The following TFPI variants were observed in gnomAD, a reference collection of about 807,000 sequenced individuals.
TFPI encodes tissue factor pathway inhibitor.
A neutral mutation model predicts 34.6 loss-of-function variants in TFPI; 15 were observed. The observed-to-expected ratio is 0.43, with a 90% confidence interval of 0.29 to 0.67. The LOEUF is 0.67. TFPI is among the 30% of genes least tolerant of loss of function. The pLI is 0.15. For missense variants in TFPI, 301 were observed against 364.0 expected, an observed-to-expected ratio of 0.83 and a Z score of 1.41; for synonymous variants, 105 against 120.1, an observed-to-expected ratio of 0.87 and a Z score of 0.82.
chr2:187,515,981 A>C lies in TFPI; in HGVS notation c.-2-12211T>G, dbSNP rs1574475261. The C allele has an allele frequency of 3.9e-5, 6 of 152,196 alleles. No individual in the cohort carries two copies. In the South Asian group the frequency reaches 1.2e-3, roughly 32 times the overall value. 9.4% of individuals were successfully genotyped at this position (152,196 alleles called of 1,614,324 possible). On this transcript the variant is annotated intron_variant, in intron 1 of 7. Coordinates refer to ENST00000233156, the MANE Select transcript of TFPI (RefSeq NM_006287.6). ...AGATGATGAGTGGCCCCCTGAAAAA[A>C]ATCATGCAGTACTATGGGCCTGCCA...
At chr2:187,494,937 G>A (rs1253615066) in intron 3 of TFPI, among the ~76,000 whole-genome samples, 2 of 151,966 alleles carry the variant, frequency 1.3e-5, no homozygotes, top group Admixed American at 6.6e-5. Flanking sequence ...TGGTGAGGCT[G>A]GTCTAAAATT....
intron 1 of TFPI, among the ~76,000 whole-genome samples, chr2:187,525,451 T>G (rs1687628557): frequency 6.6e-6 from 1 of 151,972 alleles, no homozygotes. Flanking sequence ...TTTTTCTCCT[T>G]CCTCCCTCTT....
At chr2:187,500,000 T>C (rs1472856463) in intron 2 of TFPI, among the ~76,000 whole-genome samples, 2 of 152,166 alleles carry the variant, frequency 1.3e-5, no homozygotes, top group East Asian at 1.9e-4. Flanking sequence ...CAGATACTAA[T>C]TGATGATTTT....
intron 1 of TFPI, among the ~76,000 whole-genome samples, chr2:187,548,227 G>C (rs1465336060): frequency 2.0e-5 from 3 of 151,902 alleles, no homozygotes; most frequent in African/African-American, 7.2e-5. Context: ...AAAATATAAA[G>C]TCTTCTTTAT....
rs546294713 is a variant in TFPI at position 187,473,766 on chromosome 2, A to T, written c.629-5834T>A. Among the ~76,000 whole-genome samples the T allele has an allele frequency of 2.8e-4, 43 of 151,774 alleles. No individual in the cohort carries two copies. The South Asian group carries it at 7.5e-3, about 26-fold the overall frequency. ...AGTGATATTCTATAAAGAAAAAAAA[A>T]ACGGGGAAGGGAATGGAAAAACAAG... On this transcript the variant is annotated intron_variant, in intron 6 of 7. Transcript: ENST00000233156.
At chr2:187,471,571 T>G (rs1236941745) in intron 6 of TFPI, among the ~76,000 whole-genome samples, 1 of 152,094 alleles carries the variant, frequency 6.6e-6, no homozygotes, top group Non-Finnish European at 1.5e-5. Flanking sequence ...AATAATCAAA[T>G]GCATTCTGTC....
intron 6 of TFPI, chr2:187,478,836 T>C: frequency 1.3e-6 from 2 of 1,566,280 alleles, no homozygotes; most frequent in East Asian, 4.5e-5. Flanking sequence ...ATAAAAAATG[T>C]GAGTCATCTT....
Position 187,467,786 on chromosome 2 carries a change from A to T in TFPI, c.775T>A (p.Ser259Thr). 6.2e-7 allele frequency: 1 copy of T among 1,610,844 alleles called. No individual in the cohort carries two copies. The highest frequency in any genetic ancestry group is 1.1e-5 in the South Asian group (1 of 90,654). Residue 259 changes from serine (S) to threonine (T), a missense_variant, in exon 7 of 8, where the codon TCC (serine) becomes ACC (threonine). Ser to Thr is a moderately conservative substitution (Grantham distance 58). Transcript: ENST00000233156. ...GCGGNENNFT[S>T]KQECLRACKK... ...CATGCCCTCAGACATTCTTGTTTGGAAGTAAAATTGTTTTCATTTCCCCCA... is the reference window on the plus strand; with the variant it reads ...CATGCCCTCAGACATTCTTGTTTGGTAGTAAAATTGTTTTCATTTCCCCCA...
chr2:187,554,409 T>A lies in TFPI; in HGVS notation c.-212A>T, dbSNP rs1333381625. ...AAAGAGCGAGGTAAGAATTTGACTA[T>A]TATCCAGCCTAAAGTCGCTGCTGTC... On this transcript the variant is annotated 5_prime_UTR_variant, in exon 1 of 8. Coordinates refer to ENST00000233156, the MANE Select transcript of TFPI (RefSeq NM_006287.6). 1.3e-5 allele frequency: 2 copies of A among 152,188 alleles called. No homozygotes were observed. Among genetic ancestry groups the A allele is most frequent in the African/African-American group, 4.8e-5 (2 of 41,452 alleles). 9.4% of individuals were successfully genotyped at this position (152,188 alleles called of 1,614,324 possible).
intron 1 of TFPI, among the ~76,000 whole-genome samples, chr2:187,544,230 C>G (rs1688730645): frequency 6.6e-6 from 1 of 152,066 alleles, no homozygotes; most frequent in Non-Finnish European, 1.5e-5. Flanking sequence ...ACAATATAAG[C>G]CCATGCCAAA....
chr2:187,537,799 G>A (rs1412783057), intron 1 of TFPI, among the ~76,000 whole-genome samples: 1 of 152,100 alleles, frequency 6.6e-6, no homozygotes. Context: ...GAGTGAACAG[G>A]CAACCTACAG....
intron 1 of TFPI, among the ~76,000 whole-genome samples, chr2:187,508,331 G>GT (rs1686371125): frequency 6.6e-6 from 1 of 152,072 alleles, no homozygotes; most frequent in African/African-American, 2.4e-5. Flanking sequence ...AAAGTAGTTT[G>GT]TTTTTTCTAA....
intron 1 of TFPI, chr2:187,517,147 C>CTGTTTCTA (rs1363330954): frequency 6.6e-6 from 1 of 152,006 alleles, no homozygotes; most frequent in Admixed American, 6.6e-5. Flanking sequence ...CAGCACCAAG[C>CTGTTTCTA]ACTTGTTTCT....
In TFPI at chr2:187,478,563, A is replaced by C. The variant is rs1483175755; in HGVS notation, c.628+5561T>G. 2.2e-6 allele frequency: 3 copies of C among 1,362,912 alleles called. No homozygotes were observed. The African/African-American group carries it at 4.4e-5, about 20-fold the overall frequency. 84.4% of individuals were successfully genotyped at this position (1,362,912 alleles called of 1,614,324 possible). On this transcript the variant is annotated intron_variant, in intron 6 of 7. Transcript: ENST00000233156. ...AGTTAGACATTTACAAGTGAGGTGC[A>C]GTGAGAAGACTATGTTTACTATGCA...
At chr2:187,487,513 G>C (rs1693362513) in intron 4 of TFPI, among the ~76,000 whole-genome samples, 1 of 151,170 alleles carries the variant, frequency 6.6e-6, no homozygotes, top group South Asian at 2.1e-4. Flanking sequence ...TGAATTTTGT[G>C]GTCTTTCATG....
chr2:187,507,713 T>A (rs2106141589), intron 1 of TFPI, among the ~76,000 whole-genome samples: 1 of 152,302 alleles, frequency 6.6e-6, no homozygotes, highest in South Asian at 2.1e-4. Context: ...GATATTAGCC[T>A]TCTGTCAGAT....
At chr2:187,497,124 C>T in intron 2 of TFPI, 46 bp from the exon 3 acceptor site, 1 of 1,506,118 alleles carries the variant, frequency 6.6e-7, no homozygotes, top group Non-Finnish European at 9.1e-7. Flanking sequence ...TCCATCAACA[C>T]TGTAATAATG....
chr2:187,473,691 G>C (rs1574368251), intron 6 of TFPI, among the ~76,000 whole-genome samples: 2 of 151,590 alleles, frequency 1.3e-5, no homozygotes, highest in East Asian at 3.9e-4. Flanking sequence ...AAAAGAAAGA[G>C]TATGTATCTC....
intron 6 of TFPI, among the ~76,000 whole-genome samples, chr2:187,471,610 T>C (rs986995848): frequency 2.0e-5 from 3 of 152,048 alleles, no homozygotes; most frequent in African/African-American, 4.8e-5. Context: ...ACCAGTTGTG[T>C]ACCTTCTGTC....
Sources: allele counts gnomAD v4.1 joint callset (sites outside exome capture counted in the v4.1 genomes callset), GRCh38; gene constraint gnomAD v4.1.1; transcripts MANE v1.5; gene names NCBI Gene and HGNC (gene_info 2026-07-23, HGNC 2026-07-21).